Variants in EXOC6B observed in about 807,000 individuals in gnomAD.
EXOC6B encodes exocyst complex component 6B.
A neutral mutation model predicts 113.5 loss-of-function variants in EXOC6B; 54 were observed. That is an observed-to-expected ratio of 0.48 (90% CI 0.38 to 0.60). The LOEUF (loss-of-function observed/expected upper bound fraction) is 0.60. Among genes scored for constraint, EXOC6B ranks in the 20% least tolerant of loss-of-function variants. EXOC6B has a pLI of 0.00. For missense variants in EXOC6B, 797 were observed against 977.5 expected (o/e 0.82, Z 2.46); for synonymous variants, 357 against 339.0 (o/e 1.05, Z -0.58).
At chr2:72,461,600 A>C (rs996735382) in intron 18 of EXOC6B, 5 of 151,978 alleles carry the variant, frequency 3.3e-5, no homozygotes, top group Non-Finnish European at 7.4e-5. Flanking sequence ...TTGGATTTTT[A>C]ATTTATACCT....
chr2:72,452,008 T>A lies in EXOC6B; in HGVS notation c.1980+13152A>T, dbSNP rs1249760210. Among the ~76,000 whole-genome samples the A allele has an allele frequency of 2.0e-5, 3 of 152,238 alleles. No homozygotes were observed. The East Asian group carries it at 5.8e-4, about 29-fold the overall frequency. On this transcript the variant is annotated intron_variant, in intron 18 of 21. Coordinates refer to ENST00000272427, the MANE Select transcript of EXOC6B (RefSeq NM_015189.3). ...CATGTACAATATATATGCTAAGGTA[T>A]CCTGACACCAATTTGCAGGCTCAAA...
intron 1 of EXOC6B, among the ~76,000 whole-genome samples, chr2:72,803,545 C>T (rs10496187): frequency 0.27 from 41,578 of 151,744 alleles, 7,385 homozygotes; most frequent in African/African-American, 0.5. Flanking sequence ...ACTTTGAGAG[C>T]AAATTAAGAG....
intron 6 of EXOC6B, among the ~76,000 whole-genome samples, chr2:72,666,823 A>AC (rs371185400): frequency 0.44 from 60,021 of 137,190 alleles, 15,621 homozygotes; most frequent in East Asian, 0.9. Context: ...ACACACACAC[A>AC]AAGAAATGCC....
intron 1 of EXOC6B, among the ~76,000 whole-genome samples, chr2:72,824,766 T>C (rs182224910): frequency 3.3e-4 from 50 of 152,118 alleles, no homozygotes; most frequent in African/African-American, 1.1e-3. Context: ...ACCAGTAACA[T>C]GAGGGGAAGG....
At chr2:72,652,319 G>C (rs943196309) in intron 6 of EXOC6B, among the ~76,000 whole-genome samples, 11 of 152,142 alleles carry the variant, frequency 7.2e-5, no homozygotes, top group Admixed American at 6.5e-4. Flanking sequence ...GAAAATGTTA[G>C]TGTTCTAATT....
At chr2:72,373,377 T>C (rs192990290) in intron 19 of EXOC6B, among the ~76,000 whole-genome samples, 8 of 152,128 alleles carry the variant, frequency 5.3e-5, no homozygotes, top group Admixed American at 4.6e-4. Flanking sequence ...TCTTAATTAA[T>C]ACCGCATAAG....
At position 72,443,809 on chromosome 2, in the gene EXOC6B, C is replaced by T. The variant is rs560869135; in HGVS notation, c.1980+21351G>A. ...GCCCCCATGATTCAGTTACCTCCTA[C>T]TGGGTCCCTCCCACGACATGTGGGA... On this transcript the variant is annotated intron_variant, in intron 18 of 21. Coordinates refer to ENST00000272427, the MANE Select transcript of EXOC6B (RefSeq NM_015189.3). Among the ~76,000 whole-genome samples, 3 of 152,310 alleles carry T rather than the reference C, an allele frequency of 2.0e-5. No individual in the cohort carries two copies. In the South Asian group the frequency reaches 6.2e-4, roughly 32 times the overall value.
intron 8 of EXOC6B, among the ~76,000 whole-genome samples, chr2:72,550,926 T>A (rs370309655): frequency 2.9e-4 from 44 of 150,622 alleles, no homozygotes; most frequent in South Asian, 2.1e-3. Flanking sequence ...TTTATTTTTT[T>A]TTTTTTTTTT....
intron 19 of EXOC6B, among the ~76,000 whole-genome samples, chr2:72,351,556 T>C (rs1689657371): frequency 6.6e-6 from 1 of 152,196 alleles, no homozygotes; most frequent in South Asian, 2.1e-4. Context: ...AAAGCAACAC[T>C]TTTTATGTCC....
At chr2:72,647,996 C>G (rs1299541383) in intron 6 of EXOC6B, among the ~76,000 whole-genome samples, 2 of 152,154 alleles carry the variant, frequency 1.3e-5, no homozygotes, top group Non-Finnish European at 2.9e-5. Flanking sequence ...AACAGGAAAC[C>G]TACAGAATGG....
At chr2:72,200,989 C>G (rs981569727) in intron 20 of EXOC6B, among the ~76,000 whole-genome samples, 10 of 151,992 alleles carry the variant, frequency 6.6e-5, no homozygotes, top group Non-Finnish European at 1.5e-5. Flanking sequence ...TTTCACCTTC[C>G]TGATGAAGGC....
intron 20 of EXOC6B, among the ~76,000 whole-genome samples, chr2:72,287,444 T>G (rs560211440): frequency 7.4e-6 from 1 of 135,978 alleles, no homozygotes; most frequent in Non-Finnish European, 1.6e-5. Context: ...AAAAAAAAAA[T>G]AAAAATAAAA....
rs564032273 is a variant in EXOC6B, at chr2:72,710,877, T to C, written c.669+7226A>G. Among the ~76,000 whole-genome samples the C allele has an allele frequency of 2.6e-5, 4 of 152,342 alleles. No homozygotes were observed. The South Asian group carries it at 6.2e-4, about 24-fold the overall frequency. On this transcript the variant is annotated intron_variant, in intron 6 of 21. Coordinates refer to ENST00000272427, the MANE Select transcript of EXOC6B (RefSeq NM_015189.3). ...AATGCCTAGGAGCCTTCAATATCTT[T>C]TATAGGCAATTAGTTCATTTCCTTA...
intron 18 of EXOC6B, chr2:72,461,435 T>C (rs540572750): frequency 5.9e-5 from 9 of 151,888 alleles, no homozygotes; most frequent in Middle Eastern, 3.4e-3. Context: ...AGATATTTAA[T>C]TTGTGTATAT....
chr2:72,215,977 G>A (rs1037928785), intron 20 of EXOC6B, among the ~76,000 whole-genome samples: 1 of 151,934 alleles, frequency 6.6e-6, no homozygotes. Flanking sequence ...GTGGTGAATG[G>A]AATAAAAAAC....
intron 20 of EXOC6B, among the ~76,000 whole-genome samples, chr2:72,270,250 T>G (rs982065554): frequency 6.6e-6 from 1 of 152,102 alleles, no homozygotes; most frequent in Non-Finnish European, 1.5e-5. Flanking sequence ...TTTGGAGTAC[T>G]GGAAGGTAGT....
intron 19 of EXOC6B, among the ~76,000 whole-genome samples, chr2:72,339,450 T>C (rs532030401): frequency 7.2e-5 from 11 of 152,140 alleles, no homozygotes; most frequent in Non-Finnish European, 1.6e-4. Context: ...CTCCACTCAA[T>C]GCAGAACCAA....
At chr2:72,561,906 TC>T (rs141148182) in intron 7 of EXOC6B, among the ~76,000 whole-genome samples, 1,547 of 152,208 alleles carry the variant, frequency 0.01, 64 homozygotes, top group Admixed American at 0.082. Flanking sequence ...AGTTAAGTCT[TC>T]CTAAGCATAA....
At chr2:72,475,503 G>A (rs76811622) in intron 17 of EXOC6B, among the ~76,000 whole-genome samples, 159 of 152,222 alleles carry the variant, frequency 1.0e-3, no homozygotes, top group African/African-American at 3.7e-3. Context: ...GAGTGTTCAG[G>A]TGCCAACTGT....
Sources: gnomAD v4.1 joint callset for allele counts (sites outside exome capture counted in the v4.1 genomes callset) on GRCh38, gnomAD v4.1.1 for gene constraint, MANE v1.5 for transcripts, NCBI Gene and HGNC (gene_info 2026-07-23, HGNC 2026-07-21) for gene names.